Variants in CPED1 observed in about 807,000 individuals in gnomAD.
CPED1 encodes cadherin-like and PC-esterase domain-containing protein 1.
In CPED1, 114 loss-of-function variants were observed where a neutral mutation model predicts 128.2. That is an observed-to-expected ratio of 0.89 (90% confidence interval 0.76 to 1.04). The LOEUF (loss-of-function observed/expected upper bound fraction) is 1.04, where lower values mean the gene tolerates loss of function less well. CPED1 is among the 50% of genes least tolerant of loss of function. The pLI is 0.00. For synonymous variants in CPED1, 462 were observed against 426.7 expected (o/e 1.08, Z -1.02); for missense variants, 1,211 against 1,207.1 (o/e 1.00, Z -0.05).
In CPED1 at chr7:121,189,799, A is replaced by ATATATATATATATAT. The variant is rs58389973; in HGVS notation, c.2056-46915_2056-46914insTATATATATATATAT. Among the ~76,000 whole-genome samples the ATATATATATATATAT allele has an allele frequency of 6.7e-3, 209 of 31,226 alleles. 15 individuals carry two copies. The highest frequency in any genetic ancestry group is 0.01 in the South Asian group (8 of 772). 20.5% of individuals were successfully genotyped at this position (31,226 alleles called of 152,430 possible). On this transcript the variant is annotated intron_variant, in intron 16 of 22. Coordinates refer to ENST00000310396, the MANE Select transcript of CPED1 (RefSeq NM_024913.5). ...ATATATATATATATATATATATATA[A>ATATATATATATATAT]AATTTGTATTTATTGCCTATTTTAT...
intron 18 of CPED1, among the ~76,000 whole-genome samples, chr7:121,247,149 A>C (rs1290564219): frequency 6.6e-6 from 1 of 152,210 alleles, no homozygotes; most frequent in Non-Finnish European, 1.5e-5. Flanking sequence ...GTAATGGGAA[A>C]ATTCCAACAT....
intron 16 of CPED1, among the ~76,000 whole-genome samples, chr7:121,191,836 T>C (rs188535430): frequency 2.6e-5 from 4 of 152,278 alleles, no homozygotes; most frequent in Admixed American, 2.6e-4. Flanking sequence ...TTCAACGTTA[T>C]TTCCCTGGCT....
chr7:120,990,017 G>A (rs756338833), intron 2 of CPED1, 147 bp downstream of exon 2: 2 of 903,178 alleles, frequency 2.2e-6, no homozygotes, highest in Non-Finnish European at 3.3e-6. Context: ...TGATGACTGG[G>A]AAACACGTTA....
intron 16 of CPED1, among the ~76,000 whole-genome samples, chr7:121,194,048 A>ATATTTTT (rs1396095392): frequency 4.2e-5 from 2 of 47,456 alleles, no homozygotes; most frequent in African/African-American, 1.6e-4. Context: ...ATATATATAT[A>ATATTTTT]TTTTTTTTTT....
chr7:121,099,690 T>C (rs1027888937), intron 6 of CPED1, among the ~76,000 whole-genome samples: 7 of 152,172 alleles, frequency 4.6e-5, no homozygotes, highest in African/African-American at 1.7e-4. Context: ...TTAAAAATAC[T>C]TTGATTAAAT....
At chr7:121,105,389 G>A (rs1046735642) in intron 7 of CPED1, among the ~76,000 whole-genome samples, 1 of 152,052 alleles carries the variant, frequency 6.6e-6, no homozygotes, top group Non-Finnish European at 1.5e-5. Flanking sequence ...TCAACCTTAG[G>A]AAGTGTTCTT....
chr7:121,257,805 C>G (rs1441032380), intron 18 of CPED1, among the ~76,000 whole-genome samples: 2 of 151,958 alleles, frequency 1.3e-5, no homozygotes, highest in African/African-American at 2.4e-5. Context: ...TCTATAATCT[C>G]CAACCCATTC....
Position 121,073,262 on chromosome 7 carries a change from A to C in CPED1, c.616+8949A>C, listed in dbSNP as rs560893284. ...GGAAGAGAAAATACATTCACTGTTT[A>C]TTAAGTGGAAGTGGATCATCATGAA... On this transcript the variant is annotated intron_variant, in intron 5 of 22. Coordinates refer to ENST00000310396, the MANE Select transcript of CPED1 (RefSeq NM_024913.5). Among the ~76,000 whole-genome samples, 40 of 152,316 alleles carry C rather than the reference A, an allele frequency of 2.6e-4. 1 individual carries two copies. Among genetic ancestry groups the C allele is most frequent in the Middle Eastern group, 6.8e-3 (2 of 294 alleles).
intron 14 of CPED1, among the ~76,000 whole-genome samples, 184 bp downstream of exon 14, chr7:121,136,274 A>T (rs181428577): frequency 6.3e-4 from 96 of 152,202 alleles, no homozygotes; most frequent in Non-Finnish European, 1.1e-3. Flanking sequence ...AGAACATAAA[A>T]TATTACATTT....
In CPED1 at chr7:121,295,635, A is replaced by G; in HGVS notation, c.3064A>G (p.Asn1022Asp). The part of the protein sequence containing the change: ...SEILLSRMCA[N>D]KRTM ...AATCCTTCTCAGCAGGATGTGTGCA[A>G]ATAAAAGGACTATGTAGGCTCCCTG... is the stretch of plus-strand genomic sequence containing the variant. Residue 1022 changes from asparagine (N) to aspartate (D), a missense_variant, in exon 23 of 23, where the codon AAT becomes GAT. Transcript: ENST00000310396. 3.1e-6 allele frequency: 5 copies of G among 1,613,880 alleles called. No individual in the cohort carries two copies. Among genetic ancestry groups the G allele is most frequent in the Non-Finnish European group, 4.2e-6 (5 of 1,179,806 alleles).
chr7:121,266,254 A>T lies in CPED1; in HGVS notation c.2338A>T (p.Arg780Ter). The T allele has an allele frequency of 1.9e-6, 3 of 1,612,878 alleles. No homozygotes were observed. Among genetic ancestry groups the T allele is most frequent in the Non-Finnish European group, 1.7e-6 (2 of 1,179,174 alleles). The change falls in exon 19 of 23, where the codon AGA (arginine) becomes TGA (stop). Residue 780 changes from arginine to a stop codon, truncating the protein, a stop_gained. Transcript: ENST00000310396. LOFTEE classifies it high-confidence loss of function. ...KILFIGDSTNRGIMYYLIERL... is the reference protein window; with the variant it reads ...KILFIGDSTN Reference sequence around the variant, plus strand: ...TCTGTTCATTGGAGATTCAACCAACAGAGGGATCATGTACTATCTTATTGA... The same window carrying T: ...TCTGTTCATTGGAGATTCAACCAACTGAGGGATCATGTACTATCTTATTGA...
intron 5 of CPED1, among the ~76,000 whole-genome samples, chr7:121,093,095 C>T (rs1213243994): frequency 1.3e-5 from 2 of 152,074 alleles, no homozygotes; most frequent in Admixed American, 6.6e-5. Context: ...AAGCACAAGA[C>T]GAACACTCAT....
At chr7:121,082,383 A>G (rs1271701641) in intron 5 of CPED1, among the ~76,000 whole-genome samples, 16 of 152,152 alleles carry the variant, frequency 1.1e-4, no homozygotes, top group Admixed American at 1.0e-3. Context: ...ATAATATATA[A>G]TGTGCTTTTT....
At position 121,295,992 on chromosome 7, in the gene CPED1, A is replaced by C. The variant is rs1200693270; in HGVS notation, c.*340A>C. The C allele has an allele frequency of 5.4e-6, 1 of 184,898 alleles. No individual in the cohort carries two copies. The allele number at this position is 184,898 out of a possible 1,614,324, so 11.5% of individuals were successfully genotyped here. The stretch of plus-strand genomic sequence containing the variant: ...AATATAGACACTTAAAATTATGTGA[A>C]AAAAAGGATAATGCTCTTTCATGTT... On this transcript the variant is annotated 3_prime_UTR_variant, in exon 23 of 23. Transcript: ENST00000310396.
intron 14 of CPED1, among the ~76,000 whole-genome samples, chr7:121,139,518 C>T (rs1429196957): frequency 6.6e-6 from 1 of 151,568 alleles, no homozygotes; most frequent in East Asian, 1.9e-4. Context: ...TGGTGGTGCA[C>T]CTCCACGTCC....
intron 4 of CPED1, 88 bp from the exon 5 acceptor site, chr7:121,064,150 T>C: frequency 1.2e-6 from 1 of 859,638 alleles, no homozygotes. Flanking sequence ...GCATCCCATC[T>C]ATACTCTCTG....
chr7:121,262,454 A>G (rs1186019544), intron 18 of CPED1, among the ~76,000 whole-genome samples: 3 of 152,070 alleles, frequency 2.0e-5, no homozygotes, highest in Non-Finnish European at 4.4e-5. Flanking sequence ...CAATTCCTGT[A>G]TACTCTGTGG....
chr7:121,274,142 G>A (rs899035646), intron 22 of CPED1, among the ~76,000 whole-genome samples: 7 of 151,992 alleles, frequency 4.6e-5, no homozygotes, highest in African/African-American at 1.4e-4. Flanking sequence ...AAATGTCCTC[G>A]AATAATTTCA....
chr7:121,239,384 TTAACTG>T (rs1176834694), intron 17 of CPED1, among the ~76,000 whole-genome samples: 1 of 152,154 alleles, frequency 6.6e-6, no homozygotes, highest in Admixed American at 6.5e-5. Flanking sequence ...AGGAAATAGT[TTAACTG>T]TAAGATACAA....
Sources: gnomAD v4.1 joint callset for allele counts (sites outside exome capture counted in the v4.1 genomes callset) on GRCh38, gnomAD v4.1.1 for gene constraint, MANE v1.5 for transcripts, NCBI Gene and HGNC (gene_info 2026-07-23, HGNC 2026-07-21) for gene names.